The following MACROD2 variants were observed in gnomAD, a reference collection of about 807,000 sequenced individuals.
MACROD2 encodes ADP-ribose glycohydrolase MACROD2.
In MACROD2, 36 loss-of-function variants were observed where a neutral mutation model predicts 70.4. That is an observed-to-expected ratio of 0.51 (90% CI 0.39 to 0.68). MACROD2 has a LOEUF of 0.68. MACROD2 is among the 30% of genes least tolerant of loss of function. The pLI is 0.00. For synonymous variants in MACROD2, 172 were observed against 178.8 expected, an observed-to-expected ratio of 0.96 and a Z score of 0.30; for missense variants, 496 against 538.4, an observed-to-expected ratio of 0.92 and a Z score of 0.78.
chr20:14,683,943 C>A (rs1472944012), intron 4 of MACROD2, among the ~76,000 whole-genome samples: 1 of 151,908 alleles, frequency 6.6e-6, no homozygotes, highest in East Asian at 1.9e-4. Context: ...TGTCTGTGAT[C>A]TTTTAGTCTT....
chr20:14,709,964 C>T (rs2071318130), intron 5 of MACROD2, among the ~76,000 whole-genome samples: 1 of 152,066 alleles, frequency 6.6e-6, no homozygotes, highest in African/African-American at 2.4e-5. Flanking sequence ...TGTTTATAAA[C>T]ATATTTTCTA....
intron 6 of MACROD2, among the ~76,000 whole-genome samples, chr20:15,254,078 CT>C (rs1375875826): frequency 6.6e-6 from 1 of 152,126 alleles, no homozygotes; most frequent in African/African-American, 2.4e-5. Flanking sequence ...TTAGTTCCAA[CT>C]TAGGGGACAC....
chr20:16,019,652 G>A (rs2066975676), intron 15 of MACROD2, among the ~76,000 whole-genome samples: 1 of 152,152 alleles, frequency 6.6e-6, no homozygotes, highest in Non-Finnish European at 1.5e-5. Context: ...ACCACAATGT[G>A]GTTCCTGGCC....
At position 14,606,815 on chromosome 20, in the gene MACROD2, G is replaced by A. The variant is rs545196503; in HGVS notation, c.302-78028G>A. 2.5e-4 allele frequency among the ~76,000 whole-genome samples: 38 copies of A among 152,170 alleles called. No homozygotes were observed. The South Asian group carries it at 7.5e-3, about 30-fold the overall frequency. ...AAGGCTTTTCATTATTTGTTAGAGTGACTTCATTTCATGGTATTATCTACT... is the reference window on the plus strand; with the variant it reads ...AAGGCTTTTCATTATTTGTTAGAGTAACTTCATTTCATGGTATTATCTACT... On this transcript the variant is annotated intron_variant, in intron 4 of 17. Transcript: ENST00000684519.
At chr20:14,543,033 AT>A (rs2085452174) in intron 4 of MACROD2, among the ~76,000 whole-genome samples, 1 of 152,164 alleles carries the variant, frequency 6.6e-6, no homozygotes, top group East Asian at 1.9e-4. Context: ...TGGAGATGTA[AT>A]TATGGGATTT....
chr20:15,886,880 C>A (rs940329202), intron 10 of MACROD2, among the ~76,000 whole-genome samples: 1 of 152,028 alleles, frequency 6.6e-6, no homozygotes, highest in Non-Finnish European at 1.5e-5. Context: ...GTGCTTGGAC[C>A]ATAGTAAAGA....
At chr20:15,851,823 T>G (rs1555786979) in intron 8 of MACROD2, among the ~76,000 whole-genome samples, 1 of 152,016 alleles carries the variant, frequency 6.6e-6, no homozygotes, top group Non-Finnish European at 1.5e-5. Flanking sequence ...CAGAACACAG[T>G]CCTCTGAGAG....
intron 6 of MACROD2, among the ~76,000 whole-genome samples, chr20:15,284,526 T>A (rs932784038): frequency 6.6e-6 from 1 of 152,178 alleles, no homozygotes; most frequent in African/African-American, 2.4e-5. Context: ...GAAATCTATT[T>A]TTCTCTCTTT....
intron 6 of MACROD2, among the ~76,000 whole-genome samples, chr20:15,321,480 A>G (rs896248820): frequency 2.1e-5 from 3 of 143,930 alleles, no homozygotes; most frequent in Non-Finnish European, 4.7e-5. Context: ...TATGCTTGGG[A>G]TGATTGTTAA....
chr20:14,234,928 A>C (rs1413348404), intron 3 of MACROD2, among the ~76,000 whole-genome samples: 1 of 152,202 alleles, frequency 6.6e-6, no homozygotes, highest in Admixed American at 6.5e-5. Context: ...GTGCATCATT[A>C]ATGAACCGTT....
At chr20:14,830,252 C>T (rs1568820874) in intron 5 of MACROD2, among the ~76,000 whole-genome samples, 2 of 152,214 alleles carry the variant, frequency 1.3e-5, no homozygotes, top group South Asian at 2.1e-4. Flanking sequence ...ATTGCCAAGT[C>T]TCTCTGAGTG....
chr20:14,997,885 G>A (rs1475714590), intron 5 of MACROD2, among the ~76,000 whole-genome samples: 2 of 152,144 alleles, frequency 1.3e-5, no homozygotes, highest in Non-Finnish European at 2.9e-5. Context: ...CCAATTCCAG[G>A]CAGTTCAGCA....
At chr20:15,615,675 C>T (rs896408904) in intron 8 of MACROD2, among the ~76,000 whole-genome samples, 2 of 152,088 alleles carry the variant, frequency 1.3e-5, no homozygotes, top group Non-Finnish European at 2.9e-5. Flanking sequence ...GGGCCTGTGT[C>T]GGACTGAGGA....
intron 12 of MACROD2, among the ~76,000 whole-genome samples, chr20:15,947,999 A>T (rs113138812): frequency 1.1e-4 from 16 of 152,040 alleles, no homozygotes. Flanking sequence ...CTATGCCCCA[A>T]TTCAGCAGGA....
chr20:14,563,458 T>C (rs1979573932), intron 4 of MACROD2, among the ~76,000 whole-genome samples: 1 of 151,980 alleles, frequency 6.6e-6, no homozygotes, highest in African/African-American at 2.4e-5. Flanking sequence ...TGAAATATGC[T>C]GACAGTACCA....
intron 5 of MACROD2, among the ~76,000 whole-genome samples, chr20:14,836,361 A>G (rs185993820): frequency 2.6e-4 from 40 of 152,138 alleles, no homozygotes; most frequent in Non-Finnish European, 3.8e-4. Flanking sequence ...TAAAATTCCA[A>G]TGCTCCAGTT....
At position 14,735,646 on chromosome 20, in the gene MACROD2, G is replaced by A. The variant is rs181320503; in HGVS notation, c.418+50687G>A. 5.3e-5 allele frequency among the ~76,000 whole-genome samples: 8 copies of A among 152,100 alleles called. No homozygotes were observed. The East Asian group carries it at 9.7e-4, about 18-fold the overall frequency. ...GTGGCTTGCTTGAGCCCAGGAGTTC[G>A]TGACCAGCCTGGACAATGTGGCAAA... On this transcript the variant is annotated intron_variant, in intron 5 of 17. Coordinates refer to ENST00000684519, the MANE Select transcript of MACROD2 (RefSeq NM_001351661.2).
chr20:15,334,435 A>G (rs1174183695), intron 6 of MACROD2, among the ~76,000 whole-genome samples: 2 of 151,722 alleles, frequency 1.3e-5, no homozygotes, highest in Non-Finnish European at 2.9e-5. Flanking sequence ...GGAGCCAGAC[A>G]AGGTAGTTCT....
intron 6 of MACROD2, among the ~76,000 whole-genome samples, chr20:15,383,528 A>G (rs1404590057): frequency 6.6e-6 from 1 of 152,190 alleles, no homozygotes; most frequent in Non-Finnish European, 1.5e-5. Flanking sequence ...TAATTTTAAC[A>G]TGATGTTCCT....
Sources: gnomAD v4.1 joint callset for allele counts (sites outside exome capture counted in the v4.1 genomes callset) on GRCh38, gnomAD v4.1.1 for gene constraint, MANE v1.5 for transcripts, NCBI Gene and HGNC (gene_info 2026-07-23, HGNC 2026-07-21) for gene names.